The following PALS2 variants were observed in gnomAD, a reference collection of about 807,000 sequenced individuals.
The protein encoded by PALS2 is protein PALS2.
Under a neutral mutation model 61.6 loss-of-function variants are expected in PALS2, and 27 were observed. The observed-to-expected ratio is 0.44, with a 90% confidence interval of 0.32 to 0.60. The LOEUF (loss-of-function observed/expected upper bound fraction) is 0.60, where lower values mean the gene tolerates loss of function less well. Ranked by LOEUF, PALS2 falls within the 20% of genes least tolerant of loss-of-function variation. PALS2 has a pLI of 0.05. For missense variants in PALS2, 554 were observed against 639.4 expected (o/e 0.87, Z 1.44); for synonymous variants, 236 against 218.6 (o/e 1.08, Z -0.70).
At chr7:24,640,974 C>T (rs1433337960) in intron 2 of PALS2, among the ~76,000 whole-genome samples, 1 of 138,850 alleles carries the variant, frequency 7.2e-6, no homozygotes, top group Non-Finnish European at 1.5e-5. Context: ...CGCCACTGCA[C>T]TCCAGCCTGG....
intron 2 of PALS2, among the ~76,000 whole-genome samples, chr7:24,628,719 A>G (rs1784858635): frequency 2.0e-5 from 3 of 152,324 alleles, no homozygotes; most frequent in Admixed American, 2.0e-4. Context: ...AAGAGAGCCA[A>G]ATCATGAGTA....
intron 1 of PALS2, among the ~76,000 whole-genome samples, chr7:24,599,004 C>T (rs776635082): frequency 1.3e-5 from 2 of 152,152 alleles, no homozygotes; most frequent in African/African-American, 4.8e-5. Flanking sequence ...GTAAAAAACA[C>T]ACCGAGTGTT....
At chr7:24,685,698 T>C (rs946080704) in intron 11 of PALS2, among the ~76,000 whole-genome samples, 3 of 151,532 alleles carry the variant, frequency 2.0e-5, no homozygotes, top group African/African-American at 7.3e-5. Flanking sequence ...AGGCAAGAAT[T>C]GCTTTCAAGT....
chr7:24,687,298 A>G lies in PALS2; in HGVS notation c.1447-140A>G. On this transcript the variant is annotated intron_variant, in intron 11 of 11. Coordinates refer to ENST00000222644, the MANE Select transcript of PALS2 (RefSeq NM_001303037.2). This position sits in a 1 kb window ranked among gnomAD's most constrained non-coding sequence, Gnocchi z 4.5. ...AGATGGCAGTGTTGTCTTTAACACT[A>G]TATGGATTAGATTTTGAAGATTAAT... The G allele has an allele frequency of 1.6e-6, 1 of 637,922 alleles. No individual in the cohort carries two copies. The highest frequency in any genetic ancestry group is 2.6e-6 in the Non-Finnish European group (1 of 377,776). 39.5% of individuals were successfully genotyped at this position (637,922 alleles called of 1,614,324 possible).
intron 11 of PALS2, among the ~76,000 whole-genome samples, 179 bp downstream of exon 11, chr7:24,680,699 G>A (rs560768935): frequency 3.9e-5 from 6 of 152,158 alleles, no homozygotes; most frequent in African/African-American, 9.7e-5. Flanking sequence ...GGGTTCAAGC[G>A]ATTCTCCTGC....
At chr7:24,640,255 GTCTT>G (rs752181139) in intron 2 of PALS2, among the ~76,000 whole-genome samples, 31 of 150,480 alleles carry the variant, frequency 2.1e-4, no homozygotes, top group Non-Finnish European at 3.8e-4. Flanking sequence ...TTCTTTTAAG[GTCTT>G]TCTTTAAAAT....
At chr7:24,636,879 G>A (rs184686361) in intron 2 of PALS2, among the ~76,000 whole-genome samples, 2 of 151,976 alleles carry the variant, frequency 1.3e-5, no homozygotes, top group Admixed American at 6.6e-5. Flanking sequence ...TGACTTTGTC[G>A]ATTTTTGATG....
intron 2 of PALS2, chr7:24,624,149 C>T: frequency 7.8e-7 from 1 of 1,282,036 alleles, no homozygotes; most frequent in Non-Finnish European, 1.0e-6. Context: ...TGTGTACCTA[C>T]TTTTCATGTA....
Position 24,584,954 on chromosome 7 carries a change from T to G in PALS2, c.-3+11361T>G, listed in dbSNP as rs2128040975. Among the ~76,000 whole-genome samples the G allele has an allele frequency of 1.3e-5, 2 of 151,950 alleles. 1 individual carries two copies. Among genetic ancestry groups the G allele is most frequent in the Non-Finnish European group, 2.9e-5 (2 of 67,972 alleles). ...CCATTGCTTGTTTTTCTCAGGTTTG[T>G]CAAAGATCAGATAGTTGTAGATATG... On this transcript the variant is annotated intron_variant, in intron 1 of 11. Coordinates refer to ENST00000222644, the MANE Select transcript of PALS2 (RefSeq NM_001303037.2).
intron 5 of PALS2, among the ~76,000 whole-genome samples, chr7:24,658,323 T>G (rs920348929): frequency 6.6e-6 from 1 of 152,190 alleles, no homozygotes; most frequent in African/African-American, 2.4e-5. Context: ...TCCTATAGTT[T>G]CTTGAACCAT....
intron 3 of PALS2, among the ~76,000 whole-genome samples, chr7:24,643,883 A>C (rs1785691270): frequency 6.6e-6 from 1 of 152,178 alleles, no homozygotes; most frequent in South Asian, 2.1e-4. Flanking sequence ...ATTAAACTGC[A>C]TTAGAAGATG....
chr7:24,656,624 A>G (rs1268052630), intron 5 of PALS2, among the ~76,000 whole-genome samples: 1 of 152,038 alleles, frequency 6.6e-6, no homozygotes, highest in East Asian at 1.9e-4. Flanking sequence ...CAGGGCTCAG[A>G]TAATCCTTCT....
At chr7:24,648,841 G>A (rs561196336) in intron 3 of PALS2, among the ~76,000 whole-genome samples, 6 of 149,274 alleles carry the variant, frequency 4.0e-5, no homozygotes, top group Non-Finnish European at 8.9e-5. Flanking sequence ...GGAAGTGGGG[G>A]TTGCAGTGAG....
intron 1 of PALS2, among the ~76,000 whole-genome samples, chr7:24,594,419 C>G (rs1783422330): frequency 6.6e-6 from 1 of 152,104 alleles, no homozygotes; most frequent in African/African-American, 2.4e-5. Context: ...CTGTTTAGCT[C>G]AAGAGGCCTT....
At chr7:24,624,179 C>G in intron 2 of PALS2, 3 of 1,215,242 alleles carry the variant, frequency 2.5e-6, no homozygotes, top group African/African-American at 1.6e-5. Context: ...CTTCCTTTAT[C>G]TAGTGCTTTT....
chr7:24,597,466 T>A (rs1354438685), intron 1 of PALS2, among the ~76,000 whole-genome samples: 1 of 152,002 alleles, frequency 6.6e-6, no homozygotes, highest in Non-Finnish European at 1.5e-5. Flanking sequence ...TTGAAAAGTG[T>A]GGTGGGGAAA....
chr7:24,649,776 T>C lies in PALS2; in HGVS notation c.423+12T>C. On this transcript the variant is annotated intron_variant, in intron 4 of 11. Transcript: ENST00000222644. ...CTGGGGAACCACTGGTGAGTACAGA[T>C]AAATCAGTACCCTATTAAATCTGAA... 6.3e-7 allele frequency: 1 copy of C among 1,581,850 alleles called. No individual in the cohort carries two copies. Among genetic ancestry groups the C allele is most frequent in the Non-Finnish European group, 8.6e-7 (1 of 1,164,434 alleles).
chr7:24,618,491 T>G lies in PALS2; in HGVS notation c.-2-5175T>G, dbSNP rs1784373558. Reference sequence around the variant, plus strand: ...GTGATCGGTGACATGCTGCAGCAGCTTGGCTCACAAGGGAGTAAGTGCAGA... The same window carrying G: ...GTGATCGGTGACATGCTGCAGCAGCGTGGCTCACAAGGGAGTAAGTGCAGA... On this transcript the variant is annotated intron_variant, in intron 1 of 11. Coordinates refer to ENST00000222644, the MANE Select transcript of PALS2 (RefSeq NM_001303037.2). The surrounding 1 kb of genome is among the most constrained non-coding windows in gnomAD (Gnocchi z 5.1). Among the ~76,000 whole-genome samples the G allele has an allele frequency of 6.6e-6, 1 of 152,210 alleles. No individual in the cohort carries two copies. Among genetic ancestry groups the G allele is most frequent in the East Asian group, 1.9e-4 (1 of 5,196 alleles).
At chr7:24,639,377 T>C (rs935862864) in intron 2 of PALS2, among the ~76,000 whole-genome samples, 32 of 150,058 alleles carry the variant, frequency 2.1e-4, no homozygotes, top group African/African-American at 7.7e-4. Flanking sequence ...GTCCATAGTG[T>C]GAGTATAATA....
Sources: allele counts gnomAD v4.1 joint callset (sites outside exome capture counted in the v4.1 genomes callset), GRCh38; gene constraint gnomAD v4.1.1; non-coding constraint Gnocchi (gnomAD v3.1); transcripts MANE v1.5; gene names NCBI Gene and HGNC (gene_info 2026-07-23, HGNC 2026-07-21).